Variants in DCN observed in about 807,000 individuals in gnomAD.
DCN encodes the protein decorin.
In DCN, 17 loss-of-function variants were observed where a neutral mutation model predicts 36.5. The observed-to-expected ratio is 0.47, with a 90% CI of 0.32 to 0.70. The LOEUF (loss-of-function observed/expected upper bound fraction) is 0.70. DCN is among the 30% of genes least tolerant of loss of function. DCN has a pLI of 0.04. For missense variants in DCN, 389 were observed against 430.1 expected, an observed-to-expected ratio of 0.90 and a Z score of 0.84; for synonymous variants, 163 against 161.4, an observed-to-expected ratio of 1.01 and a Z score of -0.07.
chr12:91,173,754 G>A (rs986307214), intron 2 of DCN, among the ~76,000 whole-genome samples: 2 of 152,026 alleles, frequency 1.3e-5, no homozygotes, highest in Non-Finnish European at 2.9e-5. Context: ...TATTTTTCTG[G>A]GTTGATTTCA....
chr12:91,161,649 C>T (rs1225672402), intron 3 of DCN, among the ~76,000 whole-genome samples: 2 of 152,142 alleles, frequency 1.3e-5, no homozygotes, highest in Non-Finnish European at 2.9e-5. Flanking sequence ...TTGTCCTTAT[C>T]CTCCATTGCT....
chr12:91,180,398 G>C (rs73198652), intron 1 of DCN: 4 of 151,486 alleles, frequency 2.6e-5, no homozygotes, highest in Admixed American at 2.6e-4. Context: ...GAGAGAGAGA[G>C]AGAGAAAGAA....
At chr12:91,155,585 T>A (rs145472517) in intron 5 of DCN, among the ~76,000 whole-genome samples, 2 of 152,074 alleles carry the variant, frequency 1.3e-5, no homozygotes, top group African/African-American at 4.8e-5. Context: ...TCTGGCTGCA[T>A]GAAATAAATT....
chr12:91,178,773 G>A (rs1883452344), intron 1 of DCN, among the ~76,000 whole-genome samples, 188 bp from the exon 2 acceptor site: 1 of 152,134 alleles, frequency 6.6e-6, no homozygotes. Context: ...CATTTGCACA[G>A]CTATTTACTT....
intron 3 of DCN, among the ~76,000 whole-genome samples, chr12:91,163,769 T>C (rs1344583618): frequency 6.6e-6 from 1 of 152,200 alleles, no homozygotes; most frequent in Non-Finnish European, 1.5e-5. Flanking sequence ...AAATGAAATA[T>C]GAATAATTAT....
At position 91,157,053 on chromosome 12, in the gene DCN, GTTTTGGAGA is replaced by G. The variant is rs1353097862; in HGVS notation, c.652+13_652+21del. The stretch of plus-strand genomic sequence containing the variant: ...CCTTTGAATTTAAATTTTTCAAAAT[GTTTTGGAGA>G]ATCTTCTATCACCTTGAGGAATGCT... On this transcript the variant is annotated intron_variant, in intron 5 of 7. Transcript: ENST00000052754. The G allele has an allele frequency of 2.7e-6, 4 of 1,480,570 alleles. No individual in the cohort carries two copies. The highest frequency in any genetic ancestry group is 3.8e-6 in the Non-Finnish European group (4 of 1,059,124). The allele number at this position is 1,480,570 out of a possible 1,614,324, so 91.7% of individuals were successfully genotyped here.
At chr12:91,174,506 A>C (rs1011862009) in intron 2 of DCN, among the ~76,000 whole-genome samples, 5 of 152,142 alleles carry the variant, frequency 3.3e-5, no homozygotes, top group Admixed American at 6.6e-5. Context: ...AATAAAAGGA[A>C]ATATCAGAAA....
rs138760512 is a variant in DCN at position 91,146,073 on chromosome 12, G to A, written c.1065C>T (p.Leu355=). 154 of 1,613,596 alleles carry A rather than the reference G, an allele frequency of 9.5e-5. No homozygotes were observed. The African/African-American group carries it at 1.5e-3, about 16-fold the overall frequency. ...TTCTTGAGAATTACTTATAGTTTCCGAGTTGAATGGCAGAGCGCACGTAGA... is the reference window on the plus strand; with the variant it reads ...TTCTTGAGAATTACTTATAGTTTCCAAGTTGAATGGCAGAGCGCACGTAGA... ...RCVYVRSAIQ[L]GNYK Residue 355 remains leucine (L), a synonymous_variant, in exon 8 of 8, where the codon CTC becomes CTT. Coordinates refer to ENST00000052754, the MANE Select transcript of DCN (RefSeq NM_001920.5).
In DCN at chr12:91,145,863, C is replaced by A. The variant is rs1880975886; in HGVS notation, c.*195G>T. 1 of 578,406 alleles carries A rather than the reference C, an allele frequency of 1.7e-6. No individual in the cohort carries two copies. Among genetic ancestry groups the A allele is most frequent in the South Asian group, 2.1e-5 (1 of 46,920 alleles). 35.8% of individuals were successfully genotyped at this position (578,406 alleles called of 1,614,324 possible). ...CAACAGAAAGCTTCAAAAGATGATT[C>A]TGAAAATGGCAGGCAAAATTTCTTT... On this transcript the variant is annotated 3_prime_UTR_variant, in exon 8 of 8. Coordinates refer to ENST00000052754, the MANE Select transcript of DCN (RefSeq NM_001920.5).
intron 7 of DCN, among the ~76,000 whole-genome samples, chr12:91,149,681 C>G (rs1881280602): frequency 6.6e-6 from 1 of 152,022 alleles, no homozygotes; most frequent in Non-Finnish European, 1.5e-5. Context: ...AATAATATAT[C>G]CTGAATATAG....
intron 5 of DCN, among the ~76,000 whole-genome samples, chr12:91,155,297 G>A (rs902631970): frequency 2.0e-5 from 3 of 152,094 alleles, no homozygotes; most frequent in African/African-American, 2.4e-5. Flanking sequence ...ATATAGGGAC[G>A]TTGTAAGAAT....
At chr12:91,151,932 C>T in intron 6 of DCN, 140 bp from the exon 7 acceptor site, 1 of 888,096 alleles carries the variant, frequency 1.1e-6, no homozygotes, top group African/African-American at 1.7e-5. Flanking sequence ...GTGCTTTCTC[C>T]AACCTCTCTG....
At chr12:91,160,879 C>T (rs1193310084) in intron 3 of DCN, among the ~76,000 whole-genome samples, 1 of 151,984 alleles carries the variant, frequency 6.6e-6, no homozygotes. Context: ...TATAGTTTTT[C>T]CCACTATATA....
intron 6 of DCN, 73 bp from the exon 7 acceptor site, chr12:91,151,865 C>A: frequency 6.3e-7 from 1 of 1,575,528 alleles, no homozygotes; most frequent in South Asian, 1.1e-5. Flanking sequence ...TGTAGTTAAT[C>A]AAGTCTATAG....
At chr12:91,157,864 G>A (rs528737848) in intron 4 of DCN, among the ~76,000 whole-genome samples, 4 of 152,200 alleles carry the variant, frequency 2.6e-5, no homozygotes, top group South Asian at 4.2e-4. Flanking sequence ...TCCTGACCTC[G>A]TGATCCGCCT....
In DCN at chr12:91,142,193, A is replaced by C. The variant is rs754061054; in HGVS notation, c.*3865T>G. On this transcript the variant is annotated 3_prime_UTR_variant, in exon 8 of 8. Coordinates refer to ENST00000052754, the MANE Select transcript of DCN (RefSeq NM_001920.5). ...CTTAAAATTGAGCAGCAAAATCAAG[A>C]GTGAAATAACTGCAATGTCGACTCA... 3 of 152,190 alleles carry C rather than the reference A, an allele frequency of 2.0e-5. No homozygotes were observed. The highest frequency in any genetic ancestry group is 2.9e-5 in the Non-Finnish European group (2 of 68,048). 9.4% of individuals were successfully genotyped at this position (152,190 alleles called of 1,614,324 possible).
At chr12:91,164,747 G>T in intron 2 of DCN, 30 bp from the exon 3 acceptor site, 1 of 1,083,788 alleles carries the variant, frequency 9.2e-7, no homozygotes, top group Non-Finnish European at 1.4e-6. Flanking sequence ...AGTGTGCTGT[G>T]AGTAGAAAGG....
intron 2 of DCN, among the ~76,000 whole-genome samples, chr12:91,168,217 T>C (rs3138293): frequency 0.022 from 3,279 of 152,330 alleles, 54 homozygotes; most frequent in Non-Finnish European, 0.031. Flanking sequence ...CACTCATTCC[T>C]AGCTACTCAA....
intron 7 of DCN, chr12:91,150,640 G>A (rs1414592522): frequency 6.6e-6 from 1 of 152,150 alleles, no homozygotes; most frequent in Non-Finnish European, 1.5e-5. Context: ...TACATTGTTG[G>A]TGAGAGCATA....
Sources: allele counts gnomAD v4.1 joint callset (sites outside exome capture counted in the v4.1 genomes callset), GRCh38; gene constraint gnomAD v4.1.1; transcripts MANE v1.5; gene names NCBI Gene and HGNC (gene_info 2026-07-23, HGNC 2026-07-21).